SV2C: variants seen among roughly 807,000 people sequenced by gnomAD.
The protein encoded by SV2C is synaptic vesicle glycoprotein 2C, also known as solute carrier family 22 member B3.
Under a neutral mutation model 79.7 loss-of-function variants are expected in SV2C, and 49 were observed. That is an observed-to-expected ratio of 0.61 (90% CI 0.49 to 0.78). The LOEUF is 0.78. Among genes scored for constraint, SV2C ranks in the 30% least tolerant of loss-of-function variants. SV2C has a pLI of 0.00. For synonymous variants in SV2C, 334 were observed against 333.2 expected (o/e 1.00, Z -0.03); for missense variants, 833 against 912.9 (o/e 0.91, Z 1.13).
rs578236393 is a variant in SV2C at position 76,219,511 on chromosome 5, T to G, written c.913+9624T>G. On this transcript the variant is annotated intron_variant, in intron 4 of 12. Coordinates refer to ENST00000502798, the MANE Select transcript of SV2C (RefSeq NM_014979.4). ...GGCCATTTCTTTGAATGCATCTGTT[T>G]CATTGTTCATGGCACCCAGAAGCAA... 2.6e-5 allele frequency among the ~76,000 whole-genome samples: 4 copies of G among 152,336 alleles called. No homozygotes were observed. In the South Asian group the frequency reaches 8.3e-4, roughly 32 times the overall value.
chr5:76,090,668 C>A (rs760453939), intron 1 of SV2C, among the ~76,000 whole-genome samples: 22 of 152,170 alleles, frequency 1.4e-4, no homozygotes. Context: ...ACAAATGGAA[C>A]TTAAAGTTCT....
the SV2C span, among the ~76,000 whole-genome samples, chr5:75,988,469 C>G: frequency 6.6e-6 from 1 of 151,878 alleles, no homozygotes; most frequent in Non-Finnish European, 1.5e-5. Flanking sequence ...CTCAGCTGAC[C>G]TGGAGGGAAA....
chr5:76,037,708 T>C, the SV2C span, among the ~76,000 whole-genome samples: 2 of 152,234 alleles, frequency 1.3e-5, no homozygotes, highest in Non-Finnish European at 2.9e-5. Flanking sequence ...TGTTTGTCTG[T>C]GCCCTGCCCC....
At chr5:75,952,714 A>G in the SV2C span, among the ~76,000 whole-genome samples, 1 of 151,764 alleles carries the variant, frequency 6.6e-6, no homozygotes, top group Admixed American at 6.6e-5. Flanking sequence ...CTGAGGACTC[A>G]CCAGAAGTCA....
At chr5:76,268,493 G>T (rs1233695371) in intron 4 of SV2C, among the ~76,000 whole-genome samples, 1 of 152,210 alleles carries the variant, frequency 6.6e-6, no homozygotes, top group Non-Finnish European at 1.5e-5. Flanking sequence ...CTTTATTGGT[G>T]TAAACTTGTA....
At chr5:76,146,113 A>G (rs939550283) in intron 2 of SV2C, among the ~76,000 whole-genome samples, 7 of 152,146 alleles carry the variant, frequency 4.6e-5, no homozygotes, top group African/African-American at 1.2e-4. Flanking sequence ...CTGAAGTGTC[A>G]TGAAGCTACT....
intron 4 of SV2C, among the ~76,000 whole-genome samples, chr5:76,269,587 A>G (rs562340016): frequency 7.2e-5 from 11 of 152,282 alleles, no homozygotes; most frequent in African/African-American, 2.6e-4. Context: ...TGTAGTCTGC[A>G]ATTGGTACTC....
At chr5:76,323,931 A>G (rs1241037062) in intron 12 of SV2C, among the ~76,000 whole-genome samples, 1 of 152,146 alleles carries the variant, frequency 6.6e-6, no homozygotes, top group Non-Finnish European at 1.5e-5. Flanking sequence ...ATGGGTCAAT[A>G]GGTGCAGCAA....
chr5:75,899,948 G>A, the SV2C span, among the ~76,000 whole-genome samples: 3 of 151,966 alleles, frequency 2.0e-5, no homozygotes, highest in Non-Finnish European at 4.4e-5. Context: ...TTTATTTTGA[G>A]CCTATGTGTG....
chr5:76,284,301 A>G (rs919004736), intron 4 of SV2C, among the ~76,000 whole-genome samples: 12 of 152,086 alleles, frequency 7.9e-5, no homozygotes, highest in Admixed American at 1.3e-4. Flanking sequence ...TATAATATTT[A>G]GAAGTTGAAG....
the SV2C span, among the ~76,000 whole-genome samples, chr5:76,047,312 T>C: frequency 6.6e-6 from 1 of 152,234 alleles, no homozygotes; most frequent in Non-Finnish European, 1.5e-5. Flanking sequence ...AAGTGATTAG[T>C]TTCACCTAAT....
In SV2C at chr5:76,330,656, T is replaced by C. The variant is rs1749152762; in HGVS notation, c.*5109T>C. On this transcript the variant is annotated 3_prime_UTR_variant, in exon 13 of 13. Transcript: ENST00000502798. ...GAACTATTCAGTCATTGAGATAACC[T>C]TTGATGAGAGGAGAAAGCTCCTTGA... 6.6e-6 allele frequency: 1 copy of C among 151,688 alleles called. No homozygotes were observed. The highest frequency in any genetic ancestry group is 2.4e-5 in the African/African-American group (1 of 41,232). The allele number at this position is 151,688 out of a possible 1,614,324, so 9.4% of individuals were successfully genotyped here. A position where few individuals can be genotyped will look rare whatever the true frequency, so the allele number is the denominator to read the frequency against.
intron 4 of SV2C, among the ~76,000 whole-genome samples, chr5:76,255,338 T>C (rs1248933742): frequency 6.6e-6 from 1 of 152,230 alleles, no homozygotes; most frequent in Admixed American, 6.5e-5. Flanking sequence ...GTTATAATGA[T>C]AGCACGTGGT....
intron 2 of SV2C, among the ~76,000 whole-genome samples, chr5:76,180,155 T>TTTCTGTGCTTTTG (rs1210100257): frequency 2.0e-5 from 3 of 152,220 alleles, no homozygotes; most frequent in Non-Finnish European, 4.4e-5. Flanking sequence ...TCTGTTGCTG[T>TTTCTGTGCTTTTG]ACAATATCAA....
intron 2 of SV2C, among the ~76,000 whole-genome samples, chr5:76,137,206 A>G (rs958616365): frequency 1.3e-5 from 2 of 152,244 alleles, no homozygotes; most frequent in Non-Finnish European, 2.9e-5. Flanking sequence ...GCAAACACTA[A>G]TAAATGATAG....
chr5:76,175,198 AG>A lies in SV2C; in HGVS notation c.581-19720del, dbSNP rs202028887. Among the ~76,000 whole-genome samples the A allele has an allele frequency of 2.5e-3, 388 of 152,328 alleles. 2 individuals are homozygous for A. Among genetic ancestry groups the A allele is most frequent in the African/African-American group, 8.8e-3 (366 of 41,570 alleles). On this transcript the variant is annotated intron_variant, in intron 2 of 12. Coordinates refer to ENST00000502798, the MANE Select transcript of SV2C (RefSeq NM_014979.4). ...GTCCAGTTTCCATGTTGGCCTTCAC[AG>A]AATCAGAGCTCTTCTTTGCTAGATA...
intron 1 of SV2C, among the ~76,000 whole-genome samples, chr5:76,121,436 C>G (rs1443480613): frequency 4.6e-5 from 7 of 151,280 alleles, no homozygotes; most frequent in Non-Finnish European, 8.8e-5. Context: ...GACATGAAGT[C>G]CTTGCCCATG....
chr5:76,258,614 G>A (rs1746369456), intron 4 of SV2C, among the ~76,000 whole-genome samples: 1 of 152,202 alleles, frequency 6.6e-6, no homozygotes, highest in Admixed American at 6.5e-5. Context: ...TATGCCTGGA[G>A]CTTTGGTATT....
At chr5:76,010,301 G>C in the SV2C span, among the ~76,000 whole-genome samples, 1 of 152,066 alleles carries the variant, frequency 6.6e-6, no homozygotes, top group Admixed American at 6.6e-5. Context: ...ATGCCTGCTC[G>C]TCAGGGTGGG....
Sources: allele counts gnomAD v4.1 joint callset (sites outside exome capture counted in the v4.1 genomes callset), GRCh38; gene constraint gnomAD v4.1.1; transcripts MANE v1.5; gene names NCBI Gene and HGNC (gene_info 2026-07-23, HGNC 2026-07-21).